SMAP2: variants seen among roughly 807,000 people sequenced by gnomAD.
The protein encoded by SMAP2 is stromal membrane-associated protein 2.
Under a neutral mutation model 56.4 loss-of-function variants are expected in SMAP2, and 25 were observed. The observed-to-expected ratio is 0.44, with a 90% CI of 0.32 to 0.62. SMAP2 has a LOEUF of 0.62. Ranked by LOEUF, SMAP2 falls within the 20% of genes least tolerant of loss-of-function variation. The pLI is 0.04. For synonymous variants in SMAP2, 157 were observed against 181.7 expected (o/e 0.86, Z 1.09); for missense variants, 388 against 545.6 (o/e 0.71, Z 2.88).
chr1:40,421,442 A>T (rs1215221558), intron 9 of SMAP2, among the ~76,000 whole-genome samples: 1 of 151,708 alleles, frequency 6.6e-6, no homozygotes. Context: ...CACTGAAGAC[A>T]CATTAGTCTT....
intron 2 of SMAP2, chr1:40,364,793 TCAAGG>T (rs1644474794): frequency 6.6e-6 from 1 of 151,046 alleles, no homozygotes; most frequent in Non-Finnish European, 1.5e-5. Context: ...CACAGGGACA[TCAAGG>T]TGCTGAAAAG....
intron 1 of SMAP2, among the ~76,000 whole-genome samples, chr1:40,387,503 A>C (rs564391272): frequency 2.0e-5 from 3 of 152,224 alleles, no homozygotes; most frequent in African/African-American, 7.2e-5. Flanking sequence ...TGGCTTTGCT[A>C]TGGGCATTAT....
In SMAP2 at chr1:40,374,019, G is replaced by T. The variant is rs1644517196; in HGVS notation, c.-102G>T. The T allele has an allele frequency of 4.7e-6, 4 of 853,084 alleles. No individual in the cohort carries two copies. In the East Asian group the frequency reaches 8.1e-5, roughly 17 times the overall value. The allele number at this position is 853,084 out of a possible 1,614,324, so 52.8% of individuals were successfully genotyped here. A position where few individuals can be genotyped will look rare whatever the true frequency, so the allele number is the denominator to read the frequency against. The stretch of plus-strand genomic sequence containing the variant: ...AGAGGGCTCTCCCCGCTCAGGAGGT[G>T]CCCCTGGGCGGGGGACCGGGAGTCC... On this transcript the variant is annotated 5_prime_UTR_variant, in exon 1 of 10. Transcript: ENST00000372718. The surrounding 1 kb of genome is among the most constrained non-coding windows in gnomAD (Gnocchi z 5.9).
At chr1:40,381,837 C>T (rs554209495) in intron 1 of SMAP2, among the ~76,000 whole-genome samples, 31 of 152,160 alleles carry the variant, frequency 2.0e-4, no homozygotes, top group African/African-American at 7.5e-4. Context: ...AGCATGGTGC[C>T]GATTAAATTC....
intron 5 of SMAP2, among the ~76,000 whole-genome samples, 193 bp downstream of exon 5, chr1:40,413,295 A>AC (rs1644955789): frequency 6.6e-6 from 1 of 152,152 alleles, no homozygotes; most frequent in Non-Finnish European, 1.5e-5. Flanking sequence ...TCTGCTCTGT[A>AC]AGGGCTTCGC....
chr1:40,379,555 C>CTTTTT (rs35398664), intron 1 of SMAP2, among the ~76,000 whole-genome samples: 23 of 78,112 alleles, frequency 2.9e-4, no homozygotes, highest in South Asian at 5.0e-4. Context: ...TGTTGTCTCT[C>CTTTTT]TTTTTTTTTT....
chr1:40,379,303 G>A (rs1644572774), intron 1 of SMAP2, among the ~76,000 whole-genome samples: 1 of 152,056 alleles, frequency 6.6e-6, no homozygotes, highest in Non-Finnish European at 1.5e-5. Context: ...TGACTTTTAA[G>A]AGATAATGTA....
At position 40,385,194 on chromosome 1, in the gene SMAP2, C is replaced by T. The variant is rs536184938; in HGVS notation, c.103+10971C>T. Reference sequence around the variant, plus strand: ...GTGTGGCTGAAGCTTGCCCTGGAATCCCACCTTTGTAGCATGTCACTCGGT... The same window carrying T: ...GTGTGGCTGAAGCTTGCCCTGGAATTCCACCTTTGTAGCATGTCACTCGGT... On this transcript the variant is annotated intron_variant, in intron 1 of 9. Coordinates refer to ENST00000372718, the MANE Select transcript of SMAP2 (RefSeq NM_022733.3). This position sits in a 1 kb window ranked among gnomAD's most constrained non-coding sequence, Gnocchi z 4.5. Among the ~76,000 whole-genome samples the T allele has an allele frequency of 3.0e-4, 46 of 152,270 alleles. No homozygotes were observed. In the South Asian group the frequency reaches 8.9e-3, roughly 30 times the overall value.
intron 2 of SMAP2, among the ~76,000 whole-genome samples, chr1:40,407,584 T>C (rs998201003): frequency 3.9e-5 from 6 of 152,154 alleles, no homozygotes; most frequent in African/African-American, 1.4e-4. Context: ...ACATGAATCT[T>C]TTTTTTAAGA....
chr1:40,383,890 C>CT (rs144344953), intron 1 of SMAP2, among the ~76,000 whole-genome samples: 35 of 149,948 alleles, frequency 2.3e-4, no homozygotes, highest in East Asian at 1.6e-3. Context: ...ACAGCTCACT[C>CT]TTTTTTTTTT....
chr1:40,349,314 C>T (rs1393240751), intron 1 of SMAP2, among the ~76,000 whole-genome samples: 2 of 152,080 alleles, frequency 1.3e-5, no homozygotes, highest in African/African-American at 2.4e-5. Flanking sequence ...CGTACAGTAT[C>T]CCAGGTACTT....
rs1644524216 is a variant in SMAP2 at position 40,374,608 on chromosome 1, T to TGC, written c.103+386_103+387insCG. On this transcript the variant is annotated intron_variant, in intron 1 of 9. Coordinates refer to ENST00000372718, the MANE Select transcript of SMAP2 (RefSeq NM_022733.3). This position sits in a 1 kb window ranked among gnomAD's most constrained non-coding sequence, Gnocchi z 5.9. ...GCGTGCGTGCGTGCGTGTGTGTGTG[T>TGC]GTGTGTGTGTGTGTGTGAGAGAGAG... 9 of 1,380,952 alleles carry TGC rather than the reference T, an allele frequency of 6.5e-6. No homozygotes were observed. The highest frequency in any genetic ancestry group is 2.0e-5 in the Admixed American group (1 of 50,176). The allele number at this position is 1,380,952 out of a possible 1,614,324, so 85.5% of individuals were successfully genotyped here.
chr1:40,364,917 T>C, intron 2 of SMAP2: 1 of 221,984 alleles, frequency 4.5e-6, no homozygotes, highest in Non-Finnish European at 9.5e-6. Flanking sequence ...CAGGCCTAAA[T>C]AAGGTGGGTA....
rs781770216 is a variant in SMAP2 at position 40,422,042 on chromosome 1, A to G, written c.1231A>G (p.Met411Val). ...ANGMMNYGQSMSGGNGQAANQ... is the reference protein window; with the variant it reads ...ANGMMNYGQSVSGGNGQAANQ... ...TGGCATGATGAACTATGGACAGTCA[A>G]TGAGTGGCGGAAATGGACAGGCAGC... The change falls in exon 10 of 10, where the codon ATG becomes GTG. Residue 411 changes from methionine to valine, a missense_variant. By Grantham distance (21) the Met-to-Val change is conservative (BLOSUM62 1). Coordinates refer to ENST00000372718, the MANE Select transcript of SMAP2 (RefSeq NM_022733.3). 3 of 1,614,184 alleles carry G rather than the reference A, an allele frequency of 1.9e-6. No homozygotes were observed. In the South Asian group the frequency reaches 3.3e-5, roughly 18 times the overall value.
chr1:40,358,341 G>A lies in SMAP2; in HGVS notation c.-82-3959G>A, dbSNP rs181554817. On this transcript the variant is annotated intron_variant, in intron 1 of 6. Coordinates refer to the SMAP2 transcript ENST00000435168. ...GTGGATTACTTGAGGTCAGGAGATC[G>A]AGACCAGCCTGGCCAACGTGGTGAA... Among the ~76,000 whole-genome samples the A allele has an allele frequency of 7.0e-4, 107 of 152,190 alleles. No homozygotes were observed. The South Asian group carries it at 0.013, about 19-fold the overall frequency.
intron 1 of SMAP2, among the ~76,000 whole-genome samples, chr1:40,347,554 G>T (rs1446655347): frequency 1.3e-5 from 2 of 152,056 alleles, no homozygotes; most frequent in Non-Finnish European, 2.9e-5. Context: ...CCAGGCTGGA[G>T]TGCAGTGGCA....
intron 1 of SMAP2, among the ~76,000 whole-genome samples, chr1:40,346,416 C>G (rs988598662): frequency 6.6e-6 from 1 of 151,784 alleles, no homozygotes; most frequent in East Asian, 1.9e-4. Flanking sequence ...GTTGCCCGGA[C>G]TGGAGTGCAG....
At chr1:40,373,387 T>C (rs1213780957), upstream of SMAP2, among the ~76,000 whole-genome samples, 1 of 152,178 alleles carries the variant, frequency 6.6e-6, no homozygotes, top group Non-Finnish European at 1.5e-5. Flanking sequence ...CATAGGGTCG[T>C]TGTGAGGATT....
At chr1:40,390,650 C>T (rs1227724479) in intron 1 of SMAP2, among the ~76,000 whole-genome samples, 1 of 152,054 alleles carries the variant, frequency 6.6e-6, no homozygotes, top group Non-Finnish European at 1.5e-5. Context: ...AAAAGAATAC[C>T]TAAAGAACAA....
Sources: gnomAD v4.1 joint callset for allele counts (sites outside exome capture counted in the v4.1 genomes callset) on GRCh38, gnomAD v4.1.1 for gene constraint, Gnocchi (gnomAD v3.1) non-coding constraint, MANE v1.5 for transcripts, NCBI Gene and HGNC (gene_info 2026-07-23, HGNC 2026-07-21) for gene names.